B3GNT7: variants seen among roughly 807,000 people sequenced by gnomAD.
B3GNT7 encodes UDP-GlcNAc:betaGal beta-1,3-N-acetylglucosaminyltransferase 7.
Under a neutral mutation model 5.1 loss-of-function variants are expected in B3GNT7, and 9 were observed. That is an observed-to-expected ratio of 1.77 (90% CI 1.07 to 3.09). The LOEUF (loss-of-function observed/expected upper bound fraction) is 3.09. B3GNT7 is among the 30% of genes most tolerant of loss of function. The pLI is 0.00. For missense variants in B3GNT7, 468 were observed against 550.8 expected (o/e 0.85, Z 1.50); for synonymous variants, 253 against 248.6 (o/e 1.02, Z -0.17).
At position 231,398,149 on chromosome 2, in the gene B3GNT7, A is replaced by G. The variant is rs759516440; in HGVS notation, c.430A>G (p.Ile144Val). Residue 144 changes from isoleucine (I) to valine (V), a missense_variant, in exon 2 of 2, where the codon ATC (isoleucine) becomes GTC (valine). By Grantham distance (29) the Ile-to-Val change is conservative. Coordinates refer to ENST00000287590, the MANE Select transcript of B3GNT7 (RefSeq NM_145236.3). ...CCTGCTGGTGGTTGTCAAGTCGGTC[A>G]TCACGCAGCACGACCGCCGCGAGGC... is the stretch of plus-strand genomic sequence containing the variant. ...VYLLVVVKSV[I>V]TQHDRREAIR... The G allele has an allele frequency of 8.8e-6, 14 of 1,598,222 alleles. No individual in the cohort carries two copies. Among genetic ancestry groups the G allele is most frequent in the Non-Finnish European group, 1.0e-5 (12 of 1,171,694 alleles).
intron 1 of B3GNT7, among the ~76,000 whole-genome samples, chr2:231,396,274 C>G (rs1386797249): frequency 6.6e-6 from 1 of 152,142 alleles, no homozygotes; most frequent in Non-Finnish European, 1.5e-5. Context: ...ACGAATGGAG[C>G]GGACCCGGCA....
Position 231,398,680 on chromosome 2 carries a change from G to C in B3GNT7, c.961G>C (p.Glu321Gln). The part of the protein sequence containing the change: ...RRLHHACDTL[E>Q]LYPIDDVFLG... ...CCTGCACCATGCCTGCGACACCCTG[G>C]AGCTCTACCCGATCGACGACGTCTT... Residue 321 changes from glutamate (E) to glutamine (Q), a missense_variant, in exon 2 of 2, where the codon GAG becomes CAG. Physicochemically the swap from Glu to Gln is conservative, Grantham distance 29. Coordinates refer to ENST00000287590, the MANE Select transcript of B3GNT7 (RefSeq NM_145236.3). 6.2e-7 allele frequency: 1 copy of C among 1,612,198 alleles called. No individual in the cohort carries two copies. The highest frequency in any genetic ancestry group is 1.1e-5 in the South Asian group (1 of 91,074).
Position 231,398,814 on chromosome 2 carries a change from C to A in B3GNT7, c.1095C>A (p.Cys365Ter). 1 of 1,604,752 alleles carries A rather than the reference C, an allele frequency of 6.2e-7. No homozygotes were observed. The part of the protein sequence containing the change: ...NRNSRMNKEP[C>*]FFRAMLVVHK... Reference sequence around the variant, plus strand: ...ACAGCCGCATGAACAAGGAGCCGTGCTTTTTCCGCGCCATGCTCGTGGTGC... The same window carrying A: ...ACAGCCGCATGAACAAGGAGCCGTGATTTTTCCGCGCCATGCTCGTGGTGC... Residue 365 changes from cysteine (C) to a stop codon, truncating the protein, a stop_gained, in exon 2 of 2, where the codon TGC (cysteine) becomes TGA (stop). Coordinates refer to ENST00000287590, the MANE Select transcript of B3GNT7 (RefSeq NM_145236.3). LOFTEE classifies it high-confidence loss of function.
rs899897417 is a variant in B3GNT7, at chr2:231,395,869, C to G, written c.11+55C>G. ...TGGGCGGGGGCGTGGGCCCGGGGCT[C>G]CCCCTCCTCCGTGGCCACAGACGGG... On this transcript the variant is annotated intron_variant, in intron 1 of 1. Transcript: ENST00000287590. The surrounding 1 kb of genome is among the most constrained non-coding windows in gnomAD (Gnocchi z 7.3). 9.0e-7 allele frequency: 1 copy of G among 1,107,856 alleles called. No homozygotes were observed. Among genetic ancestry groups the G allele is most frequent in the Non-Finnish European group, 1.1e-6 (1 of 895,146 alleles). 68.6% of individuals were successfully genotyped at this position (1,107,856 alleles called of 1,614,324 possible). A position where few individuals can be genotyped will look rare whatever the true frequency, so the allele number is the denominator to read the frequency against.
Position 231,398,213 on chromosome 2 carries a change from G to A in B3GNT7, c.494G>A (p.Gly165Asp), listed in dbSNP as rs774354408. The A allele has an allele frequency of 3.1e-6, 5 of 1,599,186 alleles. No homozygotes were observed. The African/African-American group carries it at 5.4e-5, about 17-fold the overall frequency. Reference protein sequence around the residue: ...QTWGRERQSAGGGRGAVRTLF... With the variant: ...QTWGRERQSADGGRGAVRTLF... Reference sequence around the variant, plus strand: ...TGGGGCCGCGAGCGGCAGTCCGCGGGTGGGGGCCGAGGCGCCGTGCGCACC... The same window carrying A: ...TGGGGCCGCGAGCGGCAGTCCGCGGATGGGGGCCGAGGCGCCGTGCGCACC... Residue 165 changes from glycine to aspartate, a missense_variant, in exon 2 of 2, where the codon GGT becomes GAT. Gly to Asp is a moderately conservative substitution (Grantham distance 94, BLOSUM62 -1). Transcript: ENST00000287590.
In B3GNT7 at chr2:231,399,210, C is replaced by T. The variant is rs1351809416; in HGVS notation, c.*285C>T. 1.3e-5 allele frequency: 6 copies of T among 460,082 alleles called. No homozygotes were observed. The highest frequency in any genetic ancestry group is 1.1e-4 in the East Asian group (3 of 26,330). 28.5% of individuals were successfully genotyped at this position (460,082 alleles called of 1,614,324 possible). On this transcript the variant is annotated 3_prime_UTR_variant, in exon 2 of 2. Coordinates refer to ENST00000287590, the MANE Select transcript of B3GNT7 (RefSeq NM_145236.3). ...CCTGGCAGCCCTCCTGACCTGGGTC[C>T]GTTGCTGGCCCCCTCAGATGTGGTG... is the stretch of plus-strand genomic sequence containing the variant.
chr2:231,398,718 C>T lies in B3GNT7; in HGVS notation c.999C>T (p.Cys333=). The T allele has an allele frequency of 2.5e-6, 4 of 1,611,622 alleles. No individual in the cohort carries two copies. In the South Asian group the frequency reaches 4.4e-5, roughly 18 times the overall value. ...YPIDDVFLGM[C]LEVLGVQPTA... is the part of the protein sequence containing the mutation. The stretch of plus-strand genomic sequence containing the variant: ...TCGACGACGTCTTTCTGGGCATGTG[C>T]CTGGAGGTGCTGGGCGTGCAGCCCA... Residue 333 remains cysteine (C), a synonymous_variant, in exon 2 of 2, where the codon TGC becomes TGT. Transcript: ENST00000287590.
Position 231,397,800 on chromosome 2 carries a change from C to T in B3GNT7, c.81C>T (p.Arg27=). 6.2e-7 allele frequency: 1 copy of T among 1,613,802 alleles called. No homozygotes were observed. The highest frequency in any genetic ancestry group is 8.5e-7 in the Non-Finnish European group (1 of 1,179,886). The part of the protein sequence containing the change: ...ALLVAVTVFQ[R]SLTPGQFLQE... ...TCGTGGCCGTGACGGTGTTCCAACG[C>T]AGTCTCACCCCTGGTCAGTTTCTGC... is the stretch of plus-strand genomic sequence containing the variant. The change falls in exon 2 of 2, where the codon CGC becomes CGT. Residue 27 remains arginine, a synonymous_variant. Transcript: ENST00000287590.
At chr2:231,396,768 G>C (rs982125026) in intron 1 of B3GNT7, among the ~76,000 whole-genome samples, 1 of 152,194 alleles carries the variant, frequency 6.6e-6, no homozygotes, top group African/African-American at 2.4e-5. Flanking sequence ...GCAGCCCCCG[G>C]AGGGTGAGAT....
intron 1 of B3GNT7, among the ~76,000 whole-genome samples, chr2:231,396,044 G>C (rs1261272413): frequency 6.6e-6 from 1 of 151,938 alleles, no homozygotes; most frequent in Non-Finnish European, 1.5e-5. Flanking sequence ...GAGGGGTCTC[G>C]GGGCGCCGCG....
rs376052648 is a variant in B3GNT7, at chr2:231,398,769, C to T, written c.1050C>T (p.Phe350=). 2.7e-5 allele frequency: 44 copies of T among 1,608,324 alleles called. No homozygotes were observed. Among genetic ancestry groups the T allele is most frequent in the African/African-American group, 6.7e-5 (5 of 74,936 alleles). Reference sequence around the variant, plus strand: ...CGGCCCACGAGGGCTTCAAGACTTTCGGCATCTCCCGGAACCGCAACAGCC... The same window carrying T: ...CGGCCCACGAGGGCTTCAAGACTTTTGGCATCTCCCGGAACCGCAACAGCC... ...QPTAHEGFKT[F]GISRNRNSRM... The change falls in exon 2 of 2, where the codon TTC becomes TTT. Residue 350 remains phenylalanine (F), a synonymous_variant. Transcript: ENST00000287590.
rs777700169 is a variant in B3GNT7, at chr2:231,398,587, G to A, written c.868G>A (p.Gly290Ser). ...NKYYIPGALYGKASYPPYAGG... is the reference protein window; with the variant it reads ...NKYYIPGALYSKASYPPYAGG... The stretch of plus-strand genomic sequence containing the variant: ...ATACTACATCCCGGGGGCCCTGTAC[G>A]GCAAGGCCAGCTATCCGCCGTATGC... Residue 290 changes from glycine (G) to serine (S), a missense_variant, in exon 2 of 2, where the codon GGC becomes AGC. By Grantham distance (56) the Gly-to-Ser change is moderately conservative (BLOSUM62 0). Transcript: ENST00000287590. 8.7e-6 allele frequency: 14 copies of A among 1,612,628 alleles called. No individual in the cohort carries two copies. In the East Asian group the frequency reaches 1.6e-4, roughly 18 times the overall value.
Position 231,400,460 on chromosome 2 carries a change from C to CTT in B3GNT7, c.*1535_*1536insTT, listed in dbSNP as rs1559528164. 6.6e-6 allele frequency: 1 copy of CTT among 152,240 alleles called. No homozygotes were observed. Among genetic ancestry groups the CTT allele is most frequent in the East Asian group, 1.9e-4 (1 of 5,192 alleles). The allele number at this position is 152,240 out of a possible 1,614,324, so 9.4% of individuals were successfully genotyped here. A position where few individuals can be genotyped will look rare whatever the true frequency, so the allele number is the denominator to read the frequency against. On this transcript the variant is annotated 3_prime_UTR_variant, in exon 2 of 2. Transcript: ENST00000287590. ...TTTCAGTGGGTGAGATTAGGTCGGC[C>CTT]GTACAGAGGCCGGTGGGCTCCCTGA...
rs375701699 is a variant in B3GNT7 at position 231,398,517 on chromosome 2, C to T, written c.798C>T (p.Gly266=). The T allele has an allele frequency of 9.5e-5, 154 of 1,613,522 alleles. No individual in the cohort carries two copies. The highest frequency in any genetic ancestry group is 1.6e-4 in the Middle Eastern group (1 of 6,084). Residue 266 remains glycine (G), a synonymous_variant, in exon 2 of 2, where the codon GGC becomes GGT. Coordinates refer to ENST00000287590, the MANE Select transcript of B3GNT7 (RefSeq NM_145236.3). ...AGCCACAGGAAAACCTGTTCGTGGG[C>T]GATGTCCTGCAGCACGCTCGGCCCA... ...DRQPQENLFV[G]DVLQHARPIR... is the part of the protein sequence containing the mutation.
Position 231,397,755 on chromosome 2 carries a change from G to A in B3GNT7, c.36G>A (p.Leu12=). The A allele has an allele frequency of 6.2e-7, 1 of 1,613,374 alleles. No homozygotes were observed. The highest frequency in any genetic ancestry group is 2.2e-5 in the East Asian group (1 of 44,880). The change falls in exon 2 of 2, where the codon CTG becomes CTA. Residue 12 remains leucine, a synonymous_variant. Coordinates refer to ENST00000287590, the MANE Select transcript of B3GNT7 (RefSeq NM_145236.3). ...SLWKKTVYRS[L]CLALALLVAV... The stretch of plus-strand genomic sequence containing the variant: ...GGAAGAAAACCGTCTACCGGAGTCT[G>A]TGCCTGGCCCTGGCCCTGCTCGTGG...
rs1000976954 is a variant in B3GNT7, at chr2:231,395,876, C to T, written c.11+62C>T. The T allele has an allele frequency of 7.3e-6, 8 of 1,093,824 alleles. No individual in the cohort carries two copies. In the African/African-American group the frequency reaches 1.2e-4, roughly 16 times the overall value. The allele number at this position is 1,093,824 out of a possible 1,614,324, so 67.8% of individuals were successfully genotyped here. A position where few individuals can be genotyped will look rare whatever the true frequency, so the allele number is the denominator to read the frequency against. ...GGGCGTGGGCCCGGGGCTCCCCCTC[C>T]TCCGTGGCCACAGACGGGCGCCGGG... On this transcript the variant is annotated intron_variant, in intron 1 of 1. Coordinates refer to ENST00000287590, the MANE Select transcript of B3GNT7 (RefSeq NM_145236.3). The surrounding 1 kb of genome is among the most constrained non-coding windows in gnomAD (Gnocchi z 7.3).
chr2:231,398,544 T>A lies in B3GNT7; in HGVS notation c.825T>A (p.Ile275=), dbSNP rs761056801. ...ATGTCCTGCAGCACGCTCGGCCCAT[T>A]CGCAGGAAAGACAACAAATACTACA... The part of the protein sequence containing the change: ...VGDVLQHARP[I]RRKDNKYYIP... Residue 275 remains isoleucine (I), a synonymous_variant, in exon 2 of 2, where the codon ATT becomes ATA. Coordinates refer to ENST00000287590, the MANE Select transcript of B3GNT7 (RefSeq NM_145236.3). The A allele has an allele frequency of 6.2e-6, 10 of 1,613,362 alleles. No individual in the cohort carries two copies. The South Asian group carries it at 8.8e-5, about 14-fold the overall frequency.
At position 231,397,808 on chromosome 2, in the gene B3GNT7, C is replaced by A. The variant is rs1038352999; in HGVS notation, c.89C>A (p.Thr30Asn). ...GTGACGGTGTTCCAACGCAGTCTCA[C>A]CCCTGGTCAGTTTCTGCAGGAGCCT... is the stretch of plus-strand genomic sequence containing the variant. The part of the protein sequence containing the change: ...VAVTVFQRSL[T>N]PGQFLQEPPP... Residue 30 changes from threonine to asparagine, a missense_variant, in exon 2 of 2, where the codon ACC becomes AAC. Physicochemically the swap from Thr to Asn is moderately conservative, Grantham distance 65. Transcript: ENST00000287590. The A allele has an allele frequency of 1.9e-6, 3 of 1,613,822 alleles. No individual in the cohort carries two copies. Among genetic ancestry groups the A allele is most frequent in the Non-Finnish European group, 2.5e-6 (3 of 1,179,884 alleles).
In B3GNT7 at chr2:231,395,813, T is replaced by G; in HGVS notation, c.10T>G (p.Trp4Gly). Residue 4 changes from tryptophan to glycine, a missense_variant and splice_region_variant, in exon 1 of 2, where the codon TGG becomes GGG. Transcript: ENST00000287590. This position sits in a 1 kb window ranked among gnomAD's most constrained non-coding sequence, Gnocchi z 7.3. ...TCCGGCCCGGGCCGCCATGTCGCTG[T>G]GGTGAGTGGGGCTGGGGGCCGTCGG... MSL[W>G]KKTVYRSLCL... is the part of the protein sequence containing the mutation. 1 of 1,160,116 alleles carries G rather than the reference T, an allele frequency of 8.6e-7. No homozygotes were observed. Among genetic ancestry groups the G allele is most frequent in the Non-Finnish European group, 1.1e-6 (1 of 942,748 alleles). The allele number at this position is 1,160,116 out of a possible 1,614,324, so 71.9% of individuals were successfully genotyped here.
Sources: gnomAD v4.1 joint callset for allele counts (sites outside exome capture counted in the v4.1 genomes callset) on GRCh38, gnomAD v4.1.1 for gene constraint, Gnocchi (gnomAD v3.1) non-coding constraint, MANE v1.5 for transcripts, NCBI Gene and HGNC (gene_info 2026-07-23, HGNC 2026-07-21) for gene names.